The following WDR41 variants were observed in gnomAD, a reference collection of about 807,000 sequenced individuals.
The protein encoded by WDR41 is WD repeat domain 41, also known as WD repeat-containing protein 41.
WDR41 carries 63 observed loss-of-function variants against 69.3 expected under a neutral mutation model. The observed-to-expected ratio is 0.91, with a 90% CI of 0.74 to 1.12. The LOEUF (loss-of-function observed/expected upper bound fraction) is 1.12. Among genes scored for constraint, WDR41 ranks in the 50% most tolerant of loss-of-function variants. WDR41 has a pLI of 0.00. For missense variants in WDR41, 543 were observed against 534.5 expected (o/e 1.02, Z -0.16); for synonymous variants, 185 against 192.1 (o/e 0.96, Z 0.31).
At chr5:77,477,324 C>A (rs1800987984) in intron 2 of WDR41, among the ~76,000 whole-genome samples, 1 of 149,660 alleles carries the variant, frequency 6.7e-6, no homozygotes, top group East Asian at 1.9e-4. Flanking sequence ...CCAAGCAGAC[C>A]TAATAGACAT....
intron 1 of WDR41, among the ~76,000 whole-genome samples, chr5:77,594,143 T>C (rs1015186289): frequency 2.0e-5 from 3 of 151,848 alleles, no homozygotes; most frequent in Non-Finnish European, 4.4e-5. Flanking sequence ...GAAACCATCA[T>C]TCTCAGCAAA....
chr5:77,480,294 T>C (rs1277647964), intron 2 of WDR41: 2 of 112,784 alleles, frequency 1.8e-5, no homozygotes, highest in Non-Finnish European at 3.5e-5. Context: ...GAACTAGAAA[T>C]ACCATTTGAC....
At chr5:77,443,382 C>T (rs749299603) in intron 8 of WDR41, among the ~76,000 whole-genome samples, 1 of 151,996 alleles carries the variant, frequency 6.6e-6, no homozygotes, top group Non-Finnish European at 1.5e-5. Flanking sequence ...CTCTAATGAC[C>T]ACATGAACAA....
intron 1 of WDR41, among the ~76,000 whole-genome samples, chr5:77,520,116 T>C (rs1432111984): frequency 6.6e-6 from 1 of 152,130 alleles, no homozygotes; most frequent in African/African-American, 2.4e-5. Flanking sequence ...TATCTTGCCC[T>C]TTTGGTGTAA....
intron 1 of WDR41, among the ~76,000 whole-genome samples, chr5:77,575,280 T>C (rs890360311): frequency 6.6e-6 from 1 of 152,148 alleles, no homozygotes; most frequent in Admixed American, 6.5e-5. Flanking sequence ...AGAGTTGATA[T>C]AGTGAGAAAT....
intron 12 of WDR41, among the ~76,000 whole-genome samples, chr5:77,435,347 A>C (rs769834793): frequency 5.3e-5 from 8 of 152,198 alleles, no homozygotes; most frequent in Admixed American, 1.3e-4. Flanking sequence ...ACTGCTGCTT[A>C]CTTGGGTCCA....
At chr5:77,615,541 TA>T (rs1744663386) in intron 1 of WDR41, among the ~76,000 whole-genome samples, 1 of 152,016 alleles carries the variant, frequency 6.6e-6, no homozygotes, top group Admixed American at 6.6e-5. Flanking sequence ...TTTTATAATT[TA>T]AAAAATTGAT....
intron 1 of WDR41, among the ~76,000 whole-genome samples, chr5:77,523,061 C>A (rs551177082): frequency 6.6e-5 from 10 of 152,144 alleles, no homozygotes; most frequent in Non-Finnish European, 1.0e-4. Context: ...CACCTGTAAT[C>A]CCAACACTTT....
At chr5:77,560,026 TC>T (rs1743492527) in intron 1 of WDR41, among the ~76,000 whole-genome samples, 2 of 152,140 alleles carry the variant, frequency 1.3e-5, no homozygotes, top group African/African-American at 4.8e-5. Flanking sequence ...AAGGATCCCT[TC>T]CACAATTAAT....
chr5:77,515,383 T>C (rs920556457), intron 1 of WDR41, among the ~76,000 whole-genome samples: 4 of 152,128 alleles, frequency 2.6e-5, no homozygotes, highest in Non-Finnish European at 5.9e-5. Flanking sequence ...CATCAGGAGG[T>C]CTTCAGGGGC....
chr5:77,575,188 A>G (rs1743807648), intron 1 of WDR41, among the ~76,000 whole-genome samples: 2 of 152,190 alleles, frequency 1.3e-5, no homozygotes, highest in African/African-American at 2.4e-5. Context: ...TTCCATCATT[A>G]TACCACTCTA....
At chr5:77,444,133 A>T (rs1799283782) in intron 8 of WDR41, among the ~76,000 whole-genome samples, 1 of 151,266 alleles carries the variant, frequency 6.6e-6, no homozygotes, top group South Asian at 2.1e-4. Context: ...ACCCACCTCA[A>T]GCTCCCAAAG....
intron 1 of WDR41, among the ~76,000 whole-genome samples, chr5:77,540,757 G>A (rs1413208606): frequency 6.6e-6 from 1 of 151,328 alleles, no homozygotes; most frequent in East Asian, 1.9e-4. Context: ...GAGGAAGGAA[G>A]GAAGGAAAGA....
At chr5:77,434,389 C>G (rs1798857250) in intron 12 of WDR41, among the ~76,000 whole-genome samples, 1 of 151,940 alleles carries the variant, frequency 6.6e-6, no homozygotes, top group Non-Finnish European at 1.5e-5. Context: ...GCTGAGGATG[C>G]AGGAGTGAAG....
At chr5:77,509,901 A>G (rs1299395286) in intron 1 of WDR41, among the ~76,000 whole-genome samples, 1 of 152,214 alleles carries the variant, frequency 6.6e-6, no homozygotes, top group Non-Finnish European at 1.5e-5. Flanking sequence ...ATTTATTGGC[A>G]ACCTGAAGTT....
At chr5:77,521,229 G>A (rs1802365911) in intron 1 of WDR41, among the ~76,000 whole-genome samples, 1 of 152,232 alleles carries the variant, frequency 6.6e-6, no homozygotes, top group Admixed American at 6.5e-5. Flanking sequence ...GCACTAGTTA[G>A]ATTCTCATAA....
At chr5:77,496,691 G>A (rs1801940320), upstream of WDR41, among the ~76,000 whole-genome samples, 1 of 152,012 alleles carries the variant, frequency 6.6e-6, no homozygotes, top group South Asian at 2.1e-4. Flanking sequence ...ACTTCCCAAA[G>A]CAATCTCCAG....
intron 1 of WDR41, among the ~76,000 whole-genome samples, chr5:77,617,233 A>C (rs1744694982): frequency 6.6e-6 from 1 of 152,248 alleles, no homozygotes; most frequent in South Asian, 2.1e-4. Context: ...TATTGATTTT[A>C]TCTAACTTAA....
intron 1 of WDR41, among the ~76,000 whole-genome samples, chr5:77,572,800 C>A (rs886139445): frequency 6.6e-6 from 1 of 152,180 alleles, no homozygotes; most frequent in African/African-American, 2.4e-5. Context: ...TCTCAAAATA[C>A]CTGTTATGGA....
Sources: gnomAD v4.1 joint callset for allele counts (sites outside exome capture counted in the v4.1 genomes callset) on GRCh38, gnomAD v4.1.1 for gene constraint, MANE v1.5 for transcripts, NCBI Gene and HGNC (gene_info 2026-07-23, HGNC 2026-07-21) for gene names.